The following ZMAT4 variants were observed in gnomAD, a reference collection of about 807,000 sequenced individuals.
The protein encoded by ZMAT4 is zinc finger matrin-type 4.
In ZMAT4, 17 loss-of-function variants were observed where a neutral mutation model predicts 28.7. The observed-to-expected ratio is 0.59, with a 90% CI of 0.41 to 0.89. The LOEUF (loss-of-function observed/expected upper bound fraction) is 0.89, where lower values mean the gene tolerates loss of function less well. Among genes scored for constraint, ZMAT4 ranks in the 40% least tolerant of loss-of-function variants. The pLI is 0.00. For synonymous variants in ZMAT4, 117 were observed against 109.2 expected, an observed-to-expected ratio of 1.07 and a Z score of -0.44; for missense variants, 240 against 283.8, an observed-to-expected ratio of 0.85 and a Z score of 1.11.
chr8:40,716,252 A>T (rs1206906935), intron 3 of ZMAT4, among the ~76,000 whole-genome samples: 1 of 95,408 alleles, frequency 1.0e-5, no homozygotes, highest in Non-Finnish European at 2.1e-5. Context: ...GGACATGCAA[A>T]TGCCCAGGGC....
intron 3 of ZMAT4, among the ~76,000 whole-genome samples, chr8:40,720,890 A>AG (rs986401685): frequency 1.4e-5 from 2 of 144,470 alleles, no homozygotes; most frequent in African/African-American, 5.0e-5. Flanking sequence ...GAGGGAGGGA[A>AG]GGGGGGGAAA....
intron 6 of ZMAT4, among the ~76,000 whole-genome samples, chr8:40,576,092 A>G (rs1463878083): frequency 6.6e-6 from 1 of 152,108 alleles, no homozygotes; most frequent in Non-Finnish European, 1.5e-5. Context: ...TTGAATATAC[A>G]CCTTTTGAAA....
intron 2 of ZMAT4, among the ~76,000 whole-genome samples, chr8:40,818,970 T>G (rs1815646255): frequency 6.6e-6 from 1 of 152,080 alleles, no homozygotes; most frequent in Non-Finnish European, 1.5e-5. Context: ...GAATCTTAAT[T>G]TTCACCTTTT....
intron 5 of ZMAT4, among the ~76,000 whole-genome samples, chr8:40,590,169 A>G (rs1804841562): frequency 6.6e-6 from 1 of 151,246 alleles, no homozygotes; most frequent in African/African-American, 2.4e-5. Flanking sequence ...GACCACAGGC[A>G]TGCACTACCA....
rs1452073167 is a variant in ZMAT4, at chr8:40,805,139, G to T, written c.102+20436C>A. The stretch of plus-strand genomic sequence containing the variant: ...CAACCCCATCAAAAAGTGGGCGAAG[G>T]ACATGACTCAAAAGAAGACATTTAT... On this transcript the variant is annotated intron_variant, in intron 2 of 6. Transcript: ENST00000297737. Among the ~76,000 whole-genome samples the T allele has an allele frequency of 9.9e-5, 15 of 152,012 alleles. 1 individual carries two copies. The South Asian group carries it at 2.9e-3, about 30-fold the overall frequency.
chr8:40,757,945 C>T (rs1304076447), intron 3 of ZMAT4, among the ~76,000 whole-genome samples: 1 of 152,090 alleles, frequency 6.6e-6, no homozygotes, highest in East Asian at 1.9e-4. Flanking sequence ...CTGAGTCTCC[C>T]AGCCTAGTCT....
chr8:40,767,222 A>G (rs2150561115), intron 3 of ZMAT4, among the ~76,000 whole-genome samples: 1 of 152,328 alleles, frequency 6.6e-6, no homozygotes, highest in African/African-American at 2.4e-5. Flanking sequence ...ATTATAAATT[A>G]ACAAACAAGA....
chr8:40,893,505 A>T (rs11780608), intron 1 of ZMAT4, among the ~76,000 whole-genome samples: 17,804 of 152,184 alleles, frequency 0.12, 1,159 homozygotes, highest in Non-Finnish European at 0.15. Context: ...GCCCTGGGAC[A>T]CTGCAGCATG....
intron 5 of ZMAT4, among the ~76,000 whole-genome samples, chr8:40,627,767 A>G (rs1321374487): frequency 6.6e-6 from 1 of 152,110 alleles, no homozygotes; most frequent in African/African-American, 2.4e-5. Flanking sequence ...AACATTCCCT[A>G]TGTTCAACAA....
intron 3 of ZMAT4, among the ~76,000 whole-genome samples, chr8:40,719,126 T>A (rs1353284281): frequency 1.3e-5 from 2 of 152,100 alleles, no homozygotes; most frequent in Non-Finnish European, 2.9e-5. Flanking sequence ...TTTTGGTAAT[T>A]AAGAAGTTGA....
chr8:40,588,093 A>G (rs138589356), intron 5 of ZMAT4, among the ~76,000 whole-genome samples: 90 of 152,162 alleles, frequency 5.9e-4, no homozygotes, highest in Non-Finnish European at 7.4e-4. Flanking sequence ...AAAGCTTAAG[A>G]GTGCCTTCCA....
At chr8:40,755,629 T>G (rs1343151280) in intron 3 of ZMAT4, among the ~76,000 whole-genome samples, 1 of 152,096 alleles carries the variant, frequency 6.6e-6, no homozygotes, top group Non-Finnish European at 1.5e-5. Context: ...ATTTTTGTAT[T>G]TTTTGTAGAG....
At chr8:40,810,313 T>C (rs1490362473) in intron 2 of ZMAT4, among the ~76,000 whole-genome samples, 3 of 152,184 alleles carry the variant, frequency 2.0e-5, no homozygotes, top group African/African-American at 7.2e-5. Flanking sequence ...AGAAGATAGA[T>C]ACGTGATTTG....
intron 1 of ZMAT4, among the ~76,000 whole-genome samples, chr8:40,850,680 G>T (rs1044906995): frequency 3.3e-5 from 5 of 152,112 alleles, no homozygotes; most frequent in Non-Finnish European, 7.3e-5. Flanking sequence ...ACTAAATTTA[G>T]TTTCTCACAC....
intron 5 of ZMAT4, among the ~76,000 whole-genome samples, chr8:40,664,376 A>G (rs1002966972): frequency 1.3e-5 from 2 of 152,206 alleles, no homozygotes; most frequent in Non-Finnish European, 2.9e-5. Flanking sequence ...TTTTAAATGT[A>G]CACACTGCTC....
At chr8:40,568,589 T>C (rs1365655943) in intron 6 of ZMAT4, among the ~76,000 whole-genome samples, 1 of 152,144 alleles carries the variant, frequency 6.6e-6, no homozygotes, top group Non-Finnish European at 1.5e-5. Context: ...TACCCGTTCC[T>C]CGGGGCCCAT....
chr8:40,890,667 G>A (rs1021987912), intron 1 of ZMAT4, among the ~76,000 whole-genome samples: 1 of 152,028 alleles, frequency 6.6e-6, no homozygotes, highest in Non-Finnish European at 1.5e-5. Context: ...GTCATTTCCT[G>A]CCTGACAGTT....
At chr8:40,715,067 G>C (rs1271754308) in intron 3 of ZMAT4, among the ~76,000 whole-genome samples, 1 of 73,518 alleles carries the variant, frequency 1.4e-5, no homozygotes, top group Non-Finnish European at 2.7e-5. Context: ...AAAAAAAAGT[G>C]TGTGAAATGT....
chr8:40,553,926 A>G lies in ZMAT4; in HGVS notation c.675-21688T>C, dbSNP rs115414947. ...ATTTAATCATCACATCCAATGATAC[A>G]GCTCTTGATAACATCAGTTTACAGA... On this transcript the variant is annotated intron_variant, in intron 6 of 6. Transcript: ENST00000297737. Among the ~76,000 whole-genome samples the G allele has an allele frequency of 9.2e-3, 1,399 of 152,294 alleles. 26 individuals are homozygous for G. Among genetic ancestry groups the G allele is most frequent in the African/African-American group, 0.032 (1,349 of 41,578 alleles).
Sources: allele counts gnomAD v4.1 joint callset (sites outside exome capture counted in the v4.1 genomes callset), GRCh38; gene constraint gnomAD v4.1.1; transcripts MANE v1.5; gene names NCBI Gene and HGNC (gene_info 2026-07-23, HGNC 2026-07-21).